The following PDGFRA variants were observed in gnomAD, a reference collection of about 807,000 sequenced individuals.
PDGFRA encodes the protein platelet-derived growth factor receptor alpha.
In PDGFRA, 25 loss-of-function variants were observed where a neutral mutation model predicts 121.5. The observed-to-expected ratio is 0.21, with a 90% confidence interval of 0.15 to 0.29. PDGFRA has a LOEUF of 0.29. Among genes scored for constraint, PDGFRA ranks in the 10% least tolerant of loss-of-function variants. The probability of loss-of-function intolerance (pLI) is 1.00; values close to 1 mark genes in which losing one functional copy is unlikely to be tolerated. For synonymous variants in PDGFRA, 463 were observed against 494.8 expected (o/e 0.94, Z 0.85); for missense variants, 1,008 against 1,345.1 (o/e 0.75, Z 3.92).
chr4:54,280,716 G>C (rs1724031723), intron 16 of PDGFRA: 2 of 354,528 alleles, frequency 5.6e-6, no homozygotes, highest in Non-Finnish European at 1.0e-5. Context: ...AAATTTAATA[G>C]TTTTAAAGAA....
intron 7 of PDGFRA, among the ~76,000 whole-genome samples, chr4:54,269,888 G>A (rs1030876678): frequency 9.2e-5 from 14 of 151,738 alleles, no homozygotes; most frequent in African/African-American, 1.5e-4. Context: ...CTGACCTCAA[G>A]TGATTCACCT....
At chr4:54,247,849 A>C (rs1218171263) in intron 1 of PDGFRA, among the ~76,000 whole-genome samples, 2 of 152,248 alleles carry the variant, frequency 1.3e-5, no homozygotes, top group East Asian at 1.9e-4. Context: ...AAATCTCCTG[A>C]AGCTGATAAG....
At chr4:54,262,964 T>A (rs1722836381) in intron 3 of PDGFRA, among the ~76,000 whole-genome samples, 1 of 152,312 alleles carries the variant, frequency 6.6e-6, no homozygotes, top group South Asian at 2.1e-4. Context: ...CATGCAGACG[T>A]AGGGGCCCTT....
intron 1 of PDGFRA, among the ~76,000 whole-genome samples, chr4:54,234,539 G>A (rs895756884): frequency 2.6e-5 from 4 of 152,140 alleles, no homozygotes; most frequent in Admixed American, 6.5e-5. Flanking sequence ...TTGCTCAGTA[G>A]GACCGTAATA....
In PDGFRA at chr4:54,295,282, T is replaced by C; in HGVS notation, c.*10T>C. 1 of 1,614,000 alleles carries C rather than the reference T, an allele frequency of 6.2e-7. No homozygotes were observed. The highest frequency in any genetic ancestry group is 8.5e-7 in the Non-Finnish European group (1 of 1,179,938). ...AGACAGCTTCCTGTAACTGGCGGATTCGAGGGGTTCCTTCCACTTCTGGGG... is the reference window on the plus strand; with the variant it reads ...AGACAGCTTCCTGTAACTGGCGGATCCGAGGGGTTCCTTCCACTTCTGGGG... On this transcript the variant is annotated 3_prime_UTR_variant, in exon 23 of 23. Transcript: ENST00000257290.
chr4:54,261,931 A>ATT (rs34880395), intron 3 of PDGFRA, among the ~76,000 whole-genome samples: 3,453 of 58,098 alleles, frequency 0.059, 91 homozygotes, highest in Non-Finnish European at 0.071. Context: ...ATATATATAT[A>ATT]TTTTTTTTTT....
intron 1 of PDGFRA, among the ~76,000 whole-genome samples, chr4:54,249,980 G>GA: frequency 6.6e-6 from 1 of 152,162 alleles, no homozygotes; most frequent in African/African-American, 2.4e-5. Context: ...TTAAGATTGG[G>GA]AAGATTTGTC....
Position 54,272,231 on chromosome 4 carries a change from G to A in PDGFRA, c.1238-163G>A, listed in dbSNP as rs372517491. 2.6e-5 allele frequency among the ~76,000 whole-genome samples: 4 copies of A among 152,038 alleles called. No individual in the cohort carries two copies. In the East Asian group the frequency reaches 7.8e-4, roughly 30 times the overall value. On this transcript the variant is annotated intron_variant, in intron 8 of 22. Coordinates refer to ENST00000257290, the MANE Select transcript of PDGFRA (RefSeq NM_006206.6). ...AAACTGTGAAAATGCTGCTAACCAT[G>A]TGGGTCTGTCTAAACTGGAGTGTTA...
At chr4:54,258,887 G>C (rs1186105596) in intron 2 of PDGFRA, 70 bp downstream of exon 2, 1 of 1,236,298 alleles carries the variant, frequency 8.1e-7, no homozygotes, top group Non-Finnish European at 1.2e-6. Flanking sequence ...TGCTGCATGG[G>C]TTTATTACCA....
chr4:54,253,125 A>T (rs1722147487), intron 1 of PDGFRA, among the ~76,000 whole-genome samples: 1 of 152,130 alleles, frequency 6.6e-6, no homozygotes, highest in Non-Finnish European at 1.5e-5. Flanking sequence ...CAGAGTTCAG[A>T]TCCATGTCTC....
intron 18 of PDGFRA, 57 bp from the exon 19 acceptor site, chr4:54,287,373 T>G: frequency 1.3e-6 from 1 of 795,516 alleles, no homozygotes; most frequent in South Asian, 1.3e-5. Flanking sequence ...CTATTTCCAC[T>G]GCTGTGGATC....
chr4:54,266,177 A>T (rs1560471430), intron 5 of PDGFRA, among the ~76,000 whole-genome samples: 3 of 151,708 alleles, frequency 2.0e-5, no homozygotes, highest in South Asian at 2.1e-4. Flanking sequence ...GGAGACAGCA[A>T]TTTTTTTTTC....
Position 54,267,546 on chromosome 4 carries a change from G to A in PDGFRA, c.932-6G>A, listed in dbSNP as rs2110266167. On this transcript the variant is annotated splice_polypyrimidine_tract_variant and splice_region_variant and intron_variant, in intron 6 of 22. Coordinates refer to ENST00000257290, the MANE Select transcript of PDGFRA (RefSeq NM_006206.6). ...CATTATTTAATGGAAACTCTTCCCT[G>A]TACAGAGAAAGGTTTCATTGAAATC... is the stretch of plus-strand genomic sequence containing the variant. The A allele has an allele frequency of 6.2e-7, 1 of 1,614,166 alleles. No homozygotes were observed. The highest frequency in any genetic ancestry group is 8.5e-7 in the Non-Finnish European group (1 of 1,180,022).
At chr4:54,265,920 TATCCATTG>T (rs1723005429) in intron 5 of PDGFRA, among the ~76,000 whole-genome samples, 1 of 152,266 alleles carries the variant, frequency 6.6e-6, no homozygotes, top group African/African-American at 2.4e-5. Context: ...TCTGTCCTTC[TATCCATTG>T]ATCTCCCTCC....
In PDGFRA at chr4:54,267,693, A is replaced by C; in HGVS notation, c.1073A>C (p.Glu358Ala). 6.2e-7 allele frequency: 1 copy of C among 1,614,124 alleles called. No homozygotes were observed. The highest frequency in any genetic ancestry group is 8.5e-7 in the Non-Finnish European group (1 of 1,180,004). ...SWLKNNLTLI[E>A]NLTEITTDVE... ...CTGAAAAACAATCTGACTCTGATTG[A>C]AAATCTCACTGAGATCACCACTGAT... The change falls in exon 7 of 23, where the codon GAA becomes GCA. Residue 358 changes from glutamate to alanine, a missense_variant. By Grantham distance (107) the Glu-to-Ala change is moderately radical (BLOSUM62 -1). Transcript: ENST00000257290.
Position 54,296,100 on chromosome 4 carries a change from G to A in PDGFRA, c.*828G>A, listed in dbSNP as rs1364163993. 4.3e-6 allele frequency: 1 copy of A among 232,664 alleles called. No homozygotes were observed. Among genetic ancestry groups the A allele is most frequent in the Non-Finnish European group, 8.5e-6 (1 of 117,572 alleles). 14.4% of individuals were successfully genotyped at this position (232,664 alleles called of 1,614,324 possible). A position where few individuals can be genotyped will look rare whatever the true frequency, so the allele number is the denominator to read the frequency against. On this transcript the variant is annotated 3_prime_UTR_variant, in exon 23 of 23. Transcript: ENST00000257290. ...TATAAAGTATGGTAATAGCTTTAGT[G>A]AATTAAATTTAGTTGAGCATAGAGA... is the stretch of plus-strand genomic sequence containing the variant.
Position 54,272,492 on chromosome 4 carries a change from G to A in PDGFRA, c.1336G>A (p.Glu446Lys), listed in dbSNP as rs1441980002. Residue 446 changes from glutamate to lysine, a missense_variant, in exon 9 of 23, where the codon GAG becomes AAG. Around this residue, in one of 5 missense-constraint regions of PDGFRA, gnomAD observed 575 missense variants for 701.8 expected, o/e 0.82. Transcript: ENST00000257290. ...TAEGTPLPDI[E>K]WMICKDIKKC... The stretch of plus-strand genomic sequence containing the variant: ...TGAAGGCACGCCGCTTCCTGATATT[G>A]AGTGGATGATATGCAAAGATATTAA... The A allele has an allele frequency of 1.6e-5, 26 of 1,613,946 alleles. No homozygotes were observed. Among genetic ancestry groups the A allele is most frequent in the Non-Finnish European group, 2.2e-5 (26 of 1,179,996 alleles).
At chr4:54,247,043 C>T (rs1333316511) in intron 1 of PDGFRA, among the ~76,000 whole-genome samples, 1 of 152,120 alleles carries the variant, frequency 6.6e-6, no homozygotes, top group Non-Finnish European at 1.5e-5. Flanking sequence ...TCTGAATAGA[C>T]CAATAACAGG....
intron 18 of PDGFRA, among the ~76,000 whole-genome samples, 170 bp from the exon 19 acceptor site, chr4:54,287,260 C>T (rs1427385550): frequency 6.6e-6 from 1 of 152,122 alleles, no homozygotes; most frequent in Non-Finnish European, 1.5e-5. Context: ...CTACTATGTG[C>T]CAGGGACTGA....
Sources: allele counts gnomAD v4.1 joint callset (sites outside exome capture counted in the v4.1 genomes callset), GRCh38; gene constraint gnomAD v4.1.1; regional missense constraint gnomAD v4.1.1; transcripts MANE v1.5; gene names NCBI Gene and HGNC (gene_info 2026-07-23, HGNC 2026-07-21).